The following BBS2 variants were observed in gnomAD, a reference collection of about 807,000 sequenced individuals.
BBS2 encodes BBSome complex member BBS2.
BBS2 carries 62 observed loss-of-function variants against 83.0 expected under a neutral mutation model. The ratio of observed to expected loss-of-function variants is 0.75; its 90% CI spans 0.61 to 0.92. The LOEUF (loss-of-function observed/expected upper bound fraction) is 0.92. Among genes scored for constraint, BBS2 ranks in the 40% least tolerant of loss-of-function variants. The pLI, the probability that BBS2 is intolerant of heterozygous loss-of-function variation, is 0.00. For missense variants in BBS2, 784 were observed against 901.0 expected, an observed-to-expected ratio of 0.87 and a Z score of 1.66; for synonymous variants, 303 against 326.1, an observed-to-expected ratio of 0.93 and a Z score of 0.76.
chr16:56,496,885 T>C (rs1438798306), intron 15 of BBS2, 82 bp downstream of exon 15: 2 of 1,019,618 alleles, frequency 2.0e-6, no homozygotes, highest in Non-Finnish European at 3.1e-6. Flanking sequence ...TTTATACTTC[T>C]ATTGGTAACA....
rs550992948 is a variant in BBS2, at chr16:56,502,794, A to G, written c.819T>C (p.Ser273=). 2.5e-6 allele frequency: 4 copies of G among 1,614,234 alleles called. No homozygotes were observed. In the East Asian group the frequency reaches 8.9e-5, roughly 36 times the overall value. ...GWSNGKVDAR[S]DRTGEVIFKD... ...TAAAGATGACCTCCCCAGTTCGGTC[A>G]CTTCGAGCATCAACCTACAAATAAA... Residue 273 remains serine, a synonymous_variant, in exon 8 of 17, where the codon AGT becomes AGC. Transcript: ENST00000245157.
chr16:56,511,089 G>A (rs1964563885), intron 3 of BBS2, 70 bp downstream of exon 3: 3 of 1,594,352 alleles, frequency 1.9e-6, no homozygotes, highest in Non-Finnish European at 2.6e-6. Context: ...CAGTAGAGTT[G>A]GTGGTTAAAA....
In BBS2 at chr16:56,513,094, G is replaced by GT. The variant is rs761444835; in HGVS notation, c.345+1358dup. On this transcript the variant is annotated intron_variant, in intron 2 of 16. Transcript: ENST00000245157. ...TTGAGCCCATGAGGTCAAGGCTGCA[G>GT]TAAGCCATGATCATGCCACTGCACT... is the stretch of plus-strand genomic sequence containing the variant. Among the ~76,000 whole-genome samples the GT allele has an allele frequency of 1.2e-4, 18 of 152,292 alleles. 1 individual carries two copies. Among genetic ancestry groups the GT allele is most frequent in the Non-Finnish European group, 2.1e-4 (14 of 68,030 alleles).
chr16:56,497,700 AG>A, intron 14 of BBS2, 42 bp downstream of exon 14: 1 of 1,607,492 alleles, frequency 6.2e-7, no homozygotes, highest in Non-Finnish European at 8.5e-7. Context: ...AAATATTATT[AG>A]ACTACCACAT....
At chr16:56,488,573 C>G (rs1346431548) in intron 15 of BBS2, among the ~76,000 whole-genome samples, 1 of 152,206 alleles carries the variant, frequency 6.6e-6, no homozygotes, top group Non-Finnish European at 1.5e-5. Flanking sequence ...CTAGGTGCAT[C>G]AACCTTCAGG....
chr16:56,507,621 A>C (rs544470306), intron 5 of BBS2, among the ~76,000 whole-genome samples: 8 of 152,218 alleles, frequency 5.3e-5, no homozygotes, highest in African/African-American at 1.9e-4. Context: ...TAAGAATGTA[A>C]TGAAGGCTCC....
intron 5 of BBS2, among the ~76,000 whole-genome samples, chr16:56,508,232 A>G (rs1290591100): frequency 6.6e-6 from 1 of 152,226 alleles, no homozygotes; most frequent in Non-Finnish European, 1.5e-5. Context: ...AGTTAGGAGA[A>G]AAGAAGTCTG....
At chr16:56,472,642 A>C (rs1253954777) in intron 17 of BBS2, among the ~76,000 whole-genome samples, 2 of 152,242 alleles carry the variant, frequency 1.3e-5, no homozygotes, top group African/African-American at 4.8e-5. Context: ...AGAAAACAAG[A>C]AAAAGGAAAA....
In BBS2 at chr16:56,500,843, C is replaced by T; in HGVS notation, c.1397+11G>A. 6.2e-7 allele frequency: 1 copy of T among 1,613,816 alleles called. No homozygotes were observed. The highest frequency in any genetic ancestry group is 8.5e-7 in the Non-Finnish European group (1 of 1,179,864). On this transcript the variant is annotated intron_variant, in intron 11 of 16. Transcript: ENST00000245157. ...CTGTCCTGAAATGAACTGTGACTTG[C>T]AAAGGGTCACCTGCTTCTGTAACCC...
downstream of BBS2, among the ~76,000 whole-genome samples, chr16:56,483,607 A>G (rs543348668): frequency 1.3e-5 from 2 of 152,330 alleles, no homozygotes; most frequent in African/African-American, 4.8e-5. Context: ...TTAGCCCAAC[A>G]AAGTAATCAC....
chr16:56,475,500 T>G (rs754260639), intron 17 of BBS2: 1 of 1,613,892 alleles, frequency 6.2e-7, no homozygotes, highest in East Asian at 2.2e-5. Flanking sequence ...TGTTTTTCTC[T>G]TGTAAGGCTG....
At chr16:56,484,969 T>C (rs1218316475) in intron 16 of BBS2, 102 bp from the exon 17 acceptor site, 1 of 863,892 alleles carries the variant, frequency 1.2e-6, no homozygotes, top group Non-Finnish European at 1.9e-6. Context: ...GGAAAAGAGT[T>C]ATACTTGAAA....
rs775477661 is a variant in BBS2 at position 56,511,231 on chromosome 16, G to T, written c.399C>A (p.Ser133=). ...IVLGTLGDIS[S]PLAIIGGNCA... ...AATTGCCACCAATAATCGCAAGAGGGGAAGAAATGTCTCCCAATGTCCCCA... is the reference window on the plus strand; with the variant it reads ...AATTGCCACCAATAATCGCAAGAGGTGAAGAAATGTCTCCCAATGTCCCCA... Residue 133 remains serine (S), a synonymous_variant, in exon 3 of 17, where the codon TCC becomes TCA. Coordinates refer to ENST00000245157, the MANE Select transcript of BBS2 (RefSeq NM_031885.5). The T allele has an allele frequency of 2.5e-6, 4 of 1,613,980 alleles. No individual in the cohort carries two copies. Among genetic ancestry groups the T allele is most frequent in the South Asian group, 2.2e-5 (2 of 91,070 alleles).
chr16:56,516,126 C>G (rs187714794), intron 1 of BBS2: 1 of 152,256 alleles, frequency 6.6e-6, no homozygotes, highest in East Asian at 1.9e-4. Context: ...CAGACTTTCC[C>G]CCAGTTCCCT....
chr16:56,475,391 T>TA (rs143395992), intron 17 of BBS2: 2 of 908,018 alleles, frequency 2.2e-6, no homozygotes, highest in East Asian at 4.8e-5. Context: ...TAGAACCAGT[T>TA]ACTGCTGAAC....
chr16:56,504,545 A>T (rs1446840755), intron 7 of BBS2, among the ~76,000 whole-genome samples: 1 of 152,186 alleles, frequency 6.6e-6, no homozygotes, highest in Non-Finnish European at 1.5e-5. Context: ...TTGGATCTGT[A>T]TATTTCCTTT....
At chr16:56,475,089 G>T in intron 17 of BBS2, 1 of 841,344 alleles carries the variant, frequency 1.2e-6, no homozygotes, top group Non-Finnish European at 1.8e-6. Context: ...AAAGTCAAAG[G>T]GATTTTACGG....
chr16:56,506,266 A>C (rs1964420811), intron 5 of BBS2, 42 bp from the exon 6 acceptor site: 1 of 1,435,452 alleles, frequency 7.0e-7, no homozygotes, highest in Admixed American at 1.7e-5. Context: ...TTTCATTAAG[A>C]CTCAGTTTAC....
chr16:56,470,905 G>T (rs565543021), intron 17 of BBS2: 1 of 1,057,758 alleles, frequency 9.5e-7, no homozygotes, highest in South Asian at 1.8e-5. Flanking sequence ...CCTATTTCAG[G>T]AACTGAAGGA....
Sources: allele counts gnomAD v4.1 joint callset (sites outside exome capture counted in the v4.1 genomes callset), GRCh38; gene constraint gnomAD v4.1.1; transcripts MANE v1.5; gene names NCBI Gene and HGNC (gene_info 2026-07-23, HGNC 2026-07-21).